ZNF69: variants seen among roughly 807,000 people sequenced by gnomAD.
The protein encoded by ZNF69 is zinc finger protein 69, also known as ZNF3.
Under a neutral mutation model 50.9 loss-of-function variants are expected in ZNF69, and 47 were observed. The observed-to-expected ratio is 0.92, with a 90% CI of 0.73 to 1.18. The LOEUF (loss-of-function observed/expected upper bound fraction) is 1.18. ZNF69 is among the 50% of genes most tolerant of loss of function. The probability of loss-of-function intolerance (pLI) is 0.00; values close to 1 mark genes in which losing one functional copy is unlikely to be tolerated. For synonymous variants in ZNF69, 216 were observed against 223.1 expected, an observed-to-expected ratio of 0.97 and a Z score of 0.29; for missense variants, 717 against 675.1, an observed-to-expected ratio of 1.06 and a Z score of -0.69.
intron 1 of ZNF69, among the ~76,000 whole-genome samples, chr19:11,894,841 T>A (rs2145216478): frequency 6.6e-6 from 1 of 152,276 alleles, no homozygotes; most frequent in South Asian, 2.1e-4. Flanking sequence ...GAGAAATGAT[T>A]CCTGTCCTCT....
the ZNF69 span, among the ~76,000 whole-genome samples, chr19:11,955,800 T>A: frequency 2.0e-5 from 3 of 152,186 alleles, no homozygotes; most frequent in African/African-American, 7.2e-5. Flanking sequence ...GGATAACTCT[T>A]CTCTTCCTGT....
chr19:11,979,471 A>G, the ZNF69 span: 55 of 1,604,582 alleles, frequency 3.4e-5, no homozygotes, highest in East Asian at 1.2e-3. Context: ...AATGTAAGAC[A>G]TGTGGGAAAG....
chr19:11,942,637 A>G, the ZNF69 span, among the ~76,000 whole-genome samples: 4 of 152,236 alleles, frequency 2.6e-5, no homozygotes, highest in African/African-American at 7.2e-5. Flanking sequence ...ATCGTGATCA[A>G]TTAAACAAGG....
At chr19:11,937,365 A>T in the ZNF69 span, among the ~76,000 whole-genome samples, 3 of 152,178 alleles carry the variant, frequency 2.0e-5, no homozygotes, top group African/African-American at 7.2e-5. Context: ...TATTACAGAG[A>T]CGGGGTCTCC....
downstream of ZNF69, among the ~76,000 whole-genome samples, chr19:11,918,165 A>T (rs1164968660): frequency 1.3e-5 from 2 of 152,154 alleles, no homozygotes; most frequent in Non-Finnish European, 2.9e-5. Flanking sequence ...ACACATTGGG[A>T]AATAATTGCT....
the ZNF69 span, among the ~76,000 whole-genome samples, chr19:11,952,734 A>G: frequency 6.6e-6 from 1 of 152,150 alleles, no homozygotes; most frequent in Non-Finnish European, 1.5e-5. Context: ...TGATTGTCAG[A>G]TCACACAAAG....
chr19:11,931,889 GC>G, the ZNF69 span, among the ~76,000 whole-genome samples: 1 of 148,128 alleles, frequency 6.8e-6, no homozygotes, highest in East Asian at 1.9e-4. Context: ...GTCAATGCAT[GC>G]AGATAGCCTG....
At chr19:11,956,535 C>T in the ZNF69 span, 1 of 398,514 alleles carries the variant, frequency 2.5e-6, no homozygotes, top group African/African-American at 2.1e-5. Context: ...CAAACTAAAG[C>T]CAGTGAGAAA....
At chr19:11,893,501 C>T (rs1222192216) in intron 1 of ZNF69, among the ~76,000 whole-genome samples, 1 of 152,126 alleles carries the variant, frequency 6.6e-6, no homozygotes, top group East Asian at 1.9e-4. Flanking sequence ...GACATTTTCC[C>T]GAAAAATCCT....
chr19:11,960,604 T>G, the ZNF69 span, among the ~76,000 whole-genome samples: 1 of 115,502 alleles, frequency 8.7e-6, no homozygotes, highest in Non-Finnish European at 1.6e-5. Flanking sequence ...ATGAGCGGTT[T>G]TTTTTTTTTT....
chr19:11,945,573 C>G, the ZNF69 span, among the ~76,000 whole-genome samples: 4 of 152,172 alleles, frequency 2.6e-5, no homozygotes, highest in African/African-American at 9.6e-5. Context: ...CGGCTGGGCC[C>G]CAGGCTTAAC....
rs569569461 is a variant in ZNF69 at position 11,904,498 on chromosome 19, A to C, written c.252-151A>C. On this transcript the variant is annotated intron_variant, in intron 3 of 3. Transcript: ENST00000429654. ...AGTTATGGCTGGGTCACCTTGTACA[A>C]TGGGTTGTCCAGTCACCTTCAAACA... 7.9e-6 allele frequency: 9 copies of C among 1,142,158 alleles called. No homozygotes were observed. The South Asian group carries it at 1.2e-4, about 15-fold the overall frequency. 70.8% of individuals were successfully genotyped at this position (1,142,158 alleles called of 1,614,324 possible). A position where few individuals can be genotyped will look rare whatever the true frequency, so the allele number is the denominator to read the frequency against.
the ZNF69 span, chr19:11,950,375 G>A: frequency 4.9e-6 from 5 of 1,013,026 alleles, no homozygotes; most frequent in African/African-American, 1.6e-5. Context: ...ACTCACACTG[G>A]GGAGAAACCC....
At chr19:11,925,583 A>G in the ZNF69 span, among the ~76,000 whole-genome samples, 353 of 152,312 alleles carry the variant, frequency 2.3e-3, 4 homozygotes, top group African/African-American at 7.9e-3. Flanking sequence ...CGGGAGGGTC[A>G]TGGAGGCATC....
the ZNF69 span, chr19:11,979,964 A>G: frequency 2.4e-6 from 3 of 1,227,726 alleles, no homozygotes; most frequent in South Asian, 2.4e-5. Flanking sequence ...AAAATCTTAC[A>G]CTGGAGAGAA....
At chr19:11,909,080 G>C (rs963473766), downstream of ZNF69, among the ~76,000 whole-genome samples, 2 of 152,132 alleles carry the variant, frequency 1.3e-5, no homozygotes, top group Non-Finnish European at 1.5e-5. Context: ...AGAAGAAATG[G>C]ATAAATTCCT....
the ZNF69 span, chr19:11,965,267 C>T: frequency 6.8e-6 from 11 of 1,611,918 alleles, no homozygotes; most frequent in Non-Finnish European, 8.5e-6. Context: ...TGGAACCGGC[C>T]GGAACCGGCT....
rs770017130 is a variant in ZNF69, at chr19:11,905,644, A to G, written c.1247A>G (p.Tyr416Cys). ...AGGATTCACACTGGAGAGAAACCCT[A>G]TGAGTGTAAGCAATGTGGGAAGGCC... ...HERIHTGEKP[Y>C]ECKQCGKAFR... Residue 416 changes from tyrosine (Y) to cysteine (C), a missense_variant, in exon 4 of 4, where the codon TAT (tyrosine) becomes TGT (cysteine). Physicochemically the swap from Tyr to Cys is radical, Grantham distance 194 (BLOSUM62 -2). Transcript: ENST00000429654. The G allele has an allele frequency of 1.9e-4, 305 of 1,613,976 alleles. 1 individual carries two copies. Among genetic ancestry groups the G allele is most frequent in the Admixed American group, 1.5e-3 (91 of 59,984 alleles).
the ZNF69 span, chr19:11,946,964 G>A: frequency 1.1e-6 from 1 of 921,064 alleles, no homozygotes; most frequent in South Asian, 2.3e-5. Flanking sequence ...CTCCAGCCTG[G>A]GCAACAAGAG....
Sources: allele counts gnomAD v4.1 joint callset (sites outside exome capture counted in the v4.1 genomes callset), GRCh38; gene constraint gnomAD v4.1.1; transcripts MANE v1.5; gene names NCBI Gene and HGNC (gene_info 2026-07-23, HGNC 2026-07-21).